Variants in AKT3 observed in about 807,000 individuals in gnomAD.
AKT3 encodes the protein AKT serine/threonine kinase 3.
A neutral mutation model predicts 65.3 loss-of-function variants in AKT3; 15 were observed. That is an observed-to-expected ratio of 0.23 (90% CI 0.15 to 0.35). The LOEUF (loss-of-function observed/expected upper bound fraction) is 0.35, where lower values mean the gene tolerates loss of function less well. Ranked by LOEUF, AKT3 falls within the 10% of genes least tolerant of loss-of-function variation. AKT3 has a pLI of 1.00. For synonymous variants in AKT3, 206 were observed against 183.8 expected, an observed-to-expected ratio of 1.12 and a Z score of -0.98; for missense variants, 243 against 576.5, an observed-to-expected ratio of 0.42 and a Z score of 5.92.
intron 10 of AKT3, among the ~76,000 whole-genome samples, chr1:243,557,061 A>G (rs1673457797): frequency 6.6e-6 from 1 of 152,138 alleles, no homozygotes; most frequent in African/African-American, 2.4e-5. Flanking sequence ...ACTTGTATAC[A>G]GTTAACATCG....
At chr1:243,631,272 G>A (rs747626487) in intron 6 of AKT3, among the ~76,000 whole-genome samples, 35 of 152,294 alleles carry the variant, frequency 2.3e-4, no homozygotes, top group African/African-American at 6.5e-4. Flanking sequence ...GCTGCTGAGT[G>A]ATCAGGGTGG....
chr1:243,693,242 T>TTATATATATATATATATATATATA (rs747780262), intron 3 of AKT3, among the ~76,000 whole-genome samples: 1 of 59,986 alleles, frequency 1.7e-5, no homozygotes, highest in Non-Finnish European at 3.3e-5. Context: ...AGCTACAATT[T>TTATATATATATATATATATATATA]GATATATATA....
chr1:243,577,239 C>A (rs890147152), intron 8 of AKT3, among the ~76,000 whole-genome samples: 3 of 152,166 alleles, frequency 2.0e-5, no homozygotes, highest in African/African-American at 7.2e-5. Context: ...CTCTACCTCA[C>A]AAGTTCAAGC....
intron 8 of AKT3, among the ~76,000 whole-genome samples, chr1:243,584,291 T>C (rs920170914): frequency 1.3e-5 from 2 of 152,026 alleles, no homozygotes; most frequent in Non-Finnish European, 2.9e-5. Flanking sequence ...TACAGACTAA[T>C]ATCGAGTTCC....
chr1:243,601,383 T>TA lies in AKT3; in HGVS notation c.696+12287dup, dbSNP rs560068490. Reference sequence around the variant, plus strand: ...TTATTTGAGAAATTCAAATTGAAGCTAAAAAATACCACTATACATCCACCA... The same window carrying TA: ...TTATTTGAGAAATTCAAATTGAAGCTAAAAAAATACCACTATACATCCACCA... On this transcript the variant is annotated intron_variant, in intron 8 of 13. Transcript: ENST00000673466. Among the ~76,000 whole-genome samples the TA allele has an allele frequency of 2.0e-3, 307 of 152,236 alleles. 2 individuals carry two copies. Among genetic ancestry groups the TA allele is most frequent in the South Asian group, 4.8e-3 (23 of 4,824 alleles).
intron 5 of AKT3, among the ~76,000 whole-genome samples, chr1:243,645,323 A>G (rs1680725337): frequency 1.3e-5 from 2 of 152,200 alleles, no homozygotes; most frequent in South Asian, 4.1e-4. Flanking sequence ...TATTGCAATG[A>G]AAAAATTTAT....
chr1:243,623,572 CCTCTT>C (rs1232434291), intron 6 of AKT3, among the ~76,000 whole-genome samples: 1 of 152,164 alleles, frequency 6.6e-6, no homozygotes. Context: ...TGGGGACACT[CCTCTT>C]CTCCTGTCCT....
chr1:243,759,558 A>T (rs1402059326), intron 2 of AKT3, among the ~76,000 whole-genome samples: 4 of 151,992 alleles, frequency 2.6e-5, no homozygotes, highest in African/African-American at 7.2e-5. Flanking sequence ...AAGAAAAAAA[A>T]AATAAAAATT....
intron 12 of AKT3, among the ~76,000 whole-genome samples, chr1:243,534,143 C>T (rs528115075): frequency 6.6e-6 from 1 of 151,946 alleles, no homozygotes; most frequent in African/African-American, 2.4e-5. Flanking sequence ...TACAAGAAAC[C>T]CACTTTAAAT....
At chr1:243,498,256 G>A (rs1334926611), downstream of AKT3, among the ~76,000 whole-genome samples, 5 of 152,204 alleles carry the variant, frequency 3.3e-5, no homozygotes, top group South Asian at 4.1e-4. Context: ...GGCAGTCTCC[G>A]TGCTGTCAGT....
chr1:243,588,583 C>A (rs1488959070), intron 8 of AKT3, among the ~76,000 whole-genome samples: 1 of 152,054 alleles, frequency 6.6e-6, no homozygotes, highest in Non-Finnish European at 1.5e-5. Flanking sequence ...AAAAATAAAT[C>A]CATGCCTATA....
At chr1:243,509,885 T>C (rs114697911) in intron 13 of AKT3, among the ~76,000 whole-genome samples, 3,087 of 152,158 alleles carry the variant, frequency 0.02, 119 homozygotes, top group African/African-American at 0.071. Context: ...TGACCGGCCA[T>C]CGCCCAGAAC....
intron 6 of AKT3, among the ~76,000 whole-genome samples, chr1:243,619,002 T>C (rs1017914322): frequency 6.6e-6 from 1 of 152,204 alleles, no homozygotes; most frequent in Admixed American, 6.5e-5. Flanking sequence ...TCATTTCTAC[T>C]TCACAAAACT....
At chr1:243,636,931 G>A (rs906979395) in intron 6 of AKT3, among the ~76,000 whole-genome samples, 2 of 152,108 alleles carry the variant, frequency 1.3e-5, no homozygotes, top group African/African-American at 4.8e-5. Context: ...GGAAACTATA[G>A]TAGCAAATAA....
intron 12 of AKT3, among the ~76,000 whole-genome samples, chr1:243,540,835 C>T (rs1376892861): frequency 2.6e-5 from 4 of 152,048 alleles, no homozygotes; most frequent in Non-Finnish European, 4.4e-5. Context: ...CCAGGTATTT[C>T]GAGGAATGTC....
At chr1:243,700,175 T>C (rs1016541679) in intron 2 of AKT3, among the ~76,000 whole-genome samples, 7 of 152,178 alleles carry the variant, frequency 4.6e-5, no homozygotes, top group Non-Finnish European at 7.4e-5. Flanking sequence ...TACTTACTCA[T>C]TGAGTTCTTG....
At position 243,500,854 on chromosome 1, in the gene AKT3, T is replaced by A; in HGVS notation, c.*4395A>T. ...TTCAAGCCTGAAACAGTAGAACTTC[T>A]ATTCAGATTCAGAAGTTTTTTATTT... On this transcript the variant is annotated 3_prime_UTR_variant, in exon 14 of 14. Coordinates refer to ENST00000673466, the MANE Select transcript of AKT3 (RefSeq NM_005465.7). 4.4e-6 allele frequency: 1 copy of A among 229,228 alleles called. No individual in the cohort carries two copies. The highest frequency in any genetic ancestry group is 8.7e-6 in the Non-Finnish European group (1 of 115,596). The allele number at this position is 229,228 out of a possible 1,614,324, so 14.2% of individuals were successfully genotyped here.
chr1:243,547,094 A>AAAACAGT (rs1672726212), intron 11 of AKT3: 1 of 152,236 alleles, frequency 6.6e-6, no homozygotes. Flanking sequence ...AACAGTCAAC[A>AAAACAGT]AAACAGTAAG....
intron 4 of AKT3, among the ~76,000 whole-genome samples, chr1:243,657,019 G>C (rs1357383930): frequency 6.6e-6 from 1 of 152,132 alleles, no homozygotes; most frequent in African/African-American, 2.4e-5. Context: ...CAGAAATGAA[G>C]AGATAAAATT....
Sources: gnomAD v4.1 joint callset for allele counts (sites outside exome capture counted in the v4.1 genomes callset) on GRCh38, gnomAD v4.1.1 for gene constraint, MANE v1.5 for transcripts, NCBI Gene and HGNC (gene_info 2026-07-23, HGNC 2026-07-21) for gene names.